The following DLG2 variants were observed in gnomAD, a reference collection of about 807,000 sequenced individuals.
The protein encoded by DLG2 is disks large homolog 2.
In DLG2, 45 loss-of-function variants were observed where a neutral mutation model predicts 132.5. The ratio of observed to expected loss-of-function variants is 0.34; its 90% confidence interval spans 0.27 to 0.44. The LOEUF is 0.44. Ranked by LOEUF, DLG2 falls within the 20% of genes least tolerant of loss-of-function variation. The pLI is 1.00. For synonymous variants in DLG2, 424 were observed against 419.6 expected, an observed-to-expected ratio of 1.01 and a Z score of -0.13; for missense variants, 1,045 against 1,196.9, an observed-to-expected ratio of 0.87 and a Z score of 1.87.
Position 85,426,085 on chromosome 11 carries a change from G to A in DLG2, c.41-140720C>T, listed in dbSNP as rs556464899. 9.8e-5 allele frequency among the ~76,000 whole-genome samples: 15 copies of A among 152,362 alleles called. 1 individual carries two copies. The South Asian group carries it at 2.9e-3, about 29-fold the overall frequency. ...CAAACTGCAAGGTGGCAGCAAGGCT[G>A]AGGGAGGGGCGCCCGCCATTGCCGA... On this transcript the variant is annotated intron_variant, in intron 3 of 27. Coordinates refer to ENST00000376104, the MANE Select transcript of DLG2 (RefSeq NM_001142699.3).
chr11:84,477,135 C>A (rs2099123833), intron 7 of DLG2, among the ~76,000 whole-genome samples: 2 of 152,094 alleles, frequency 1.3e-5, no homozygotes, highest in Admixed American at 6.6e-5. Flanking sequence ...ATGTAGGCTT[C>A]TATAGTCTGA....
intron 4 of DLG2, among the ~76,000 whole-genome samples, chr11:85,191,162 G>GCGCGCACA (rs34410192): frequency 3.6e-5 from 5 of 139,840 alleles, no homozygotes; most frequent in East Asian, 2.1e-4. Context: ...GCGCACGCGC[G>GCGCGCACA]CACACACACA....
intron 7 of DLG2, among the ~76,000 whole-genome samples, chr11:84,301,908 T>C (rs948091332): frequency 1.3e-5 from 2 of 152,114 alleles, no homozygotes; most frequent in South Asian, 2.1e-4. Context: ...CATATGTTTA[T>C]TGCAACACTA....
intron 10 of DLG2, among the ~76,000 whole-genome samples, chr11:84,062,175 A>G (rs1294236317): frequency 6.6e-6 from 1 of 152,188 alleles, no homozygotes; most frequent in Non-Finnish European, 1.5e-5. Flanking sequence ...ATCATAGCCT[A>G]AATCAGATGT....
intron 9 of DLG2, among the ~76,000 whole-genome samples, chr11:84,137,019 T>G (rs1013844400): frequency 6.6e-6 from 1 of 152,106 alleles, no homozygotes; most frequent in Non-Finnish European, 1.5e-5. Flanking sequence ...TTCCACAGGC[T>G]CATTCTAACC....
chr11:84,008,595 C>T (rs1315493275), intron 11 of DLG2, among the ~76,000 whole-genome samples: 1 of 151,406 alleles, frequency 6.6e-6, no homozygotes, highest in Non-Finnish European at 1.5e-5. Context: ...GAGAGACAGA[C>T]ATACAAAAAT....
intron 18 of DLG2, among the ~76,000 whole-genome samples, chr11:83,666,873 A>G (rs1475245794): frequency 6.6e-6 from 1 of 152,136 alleles, no homozygotes; most frequent in Non-Finnish European, 1.5e-5. Flanking sequence ...CAACCTCTAA[A>G]TACAGAGAAA....
intron 6 of DLG2, among the ~76,000 whole-genome samples, chr11:85,103,809 G>C (rs2071262090): frequency 6.6e-6 from 1 of 151,876 alleles, no homozygotes; most frequent in South Asian, 2.1e-4. Context: ...GAAAATATCT[G>C]CAGATCACAT....
At chr11:84,821,564 A>G (rs570089630) in intron 6 of DLG2, among the ~76,000 whole-genome samples, 1 of 151,400 alleles carries the variant, frequency 6.6e-6, no homozygotes, top group African/African-American at 2.4e-5. Flanking sequence ...GAGTGTACAA[A>G]AACAGGTGGT....
chr11:84,057,121 T>C (rs1204385478), intron 11 of DLG2, among the ~76,000 whole-genome samples: 1 of 152,144 alleles, frequency 6.6e-6, no homozygotes, highest in Non-Finnish European at 1.5e-5. Context: ...CAGCAATTAC[T>C]GCCCCACTCC....
At chr11:84,096,166 C>T (rs1191538598) in intron 10 of DLG2, among the ~76,000 whole-genome samples, 1 of 152,068 alleles carries the variant, frequency 6.6e-6, no homozygotes, top group East Asian at 1.9e-4. Context: ...GCTGGGTGAT[C>T]TTAAAATCAT....
At chr11:85,350,995 T>C (rs2152879614) in intron 3 of DLG2, among the ~76,000 whole-genome samples, 1 of 152,324 alleles carries the variant, frequency 6.6e-6, no homozygotes, top group African/African-American at 2.4e-5. Flanking sequence ...TAAATTACCT[T>C]GGGCAGTATG....
intron 6 of DLG2, among the ~76,000 whole-genome samples, chr11:84,879,021 G>A (rs1275924405): frequency 6.6e-6 from 1 of 152,152 alleles, no homozygotes; most frequent in Admixed American, 6.6e-5. Flanking sequence ...CTGCTAATCA[G>A]CAGGGGTGTA....
rs151187364 is a variant in DLG2 at position 84,502,160 on chromosome 11, T to TCCTTTC, written c.519+32409_519+32410insGAAAGG. Among the ~76,000 whole-genome samples, 8 of 41,266 alleles carry TCCTTTC rather than the reference T, an allele frequency of 1.9e-4. 1 individual carries two copies. Among genetic ancestry groups the TCCTTTC allele is most frequent in the African/African-American group, 1.9e-3 (7 of 3,712 alleles). 27.1% of individuals were successfully genotyped at this position (41,266 alleles called of 152,430 possible). ...TCCTTTCTTTCCTTCCTTCCTTCCT[T>TCCTTTC]TCTCTCTCTCTCTCTTTCTCTCTCT... On this transcript the variant is annotated intron_variant, in intron 7 of 27. Transcript: ENST00000376104.
chr11:84,533,788 AT>A (rs894165387), intron 7 of DLG2, among the ~76,000 whole-genome samples: 38 of 150,096 alleles, frequency 2.5e-4, no homozygotes, highest in Admixed American at 8.0e-4. Flanking sequence ...AGGTGCTTTT[AT>A]TTTTTCCATT....
intron 3 of DLG2, among the ~76,000 whole-genome samples, chr11:85,425,047 A>G (rs2090607205): frequency 6.6e-6 from 1 of 151,558 alleles, no homozygotes; most frequent in Admixed American, 6.6e-5. Context: ...CAAAAAAACA[A>G]ACCCACCACA....
chr11:84,367,460 T>G (rs576362696), intron 7 of DLG2, among the ~76,000 whole-genome samples: 1 of 152,240 alleles, frequency 6.6e-6, no homozygotes, highest in South Asian at 2.1e-4. Flanking sequence ...GCAGGATGAT[T>G]GTTTGAAGTC....
At chr11:85,013,750 G>A (rs1443209192) in intron 6 of DLG2, among the ~76,000 whole-genome samples, 4 of 152,070 alleles carry the variant, frequency 2.6e-5, no homozygotes, top group Non-Finnish European at 4.4e-5. Context: ...ATTTTGTCAA[G>A]TTGCATGTAA....
At chr11:85,438,189 T>C (rs1235164082) in intron 3 of DLG2, among the ~76,000 whole-genome samples, 1 of 152,084 alleles carries the variant, frequency 6.6e-6, no homozygotes, top group Non-Finnish European at 1.5e-5. Flanking sequence ...AAGAACTCAC[T>C]CATTACCCTA....
Sources: gnomAD v4.1 joint callset for allele counts (sites outside exome capture counted in the v4.1 genomes callset) on GRCh38, gnomAD v4.1.1 for gene constraint, MANE v1.5 for transcripts, NCBI Gene and HGNC (gene_info 2026-07-23, HGNC 2026-07-21) for gene names.